The following GPHN variants were observed in gnomAD, a reference collection of about 807,000 sequenced individuals.
GPHN encodes gephyrin.
A neutral mutation model predicts 95.5 loss-of-function variants in GPHN; 17 were observed. The ratio of observed to expected loss-of-function variants is 0.18; its 90% CI spans 0.12 to 0.27. GPHN has a LOEUF of 0.27. Ranked by LOEUF, GPHN falls within the 10% of genes least tolerant of loss-of-function variation. The probability of loss-of-function intolerance (pLI) is 1.00; values close to 1 mark genes in which losing one functional copy is unlikely to be tolerated. For missense variants in GPHN, 660 were observed against 978.1 expected (o/e 0.67, Z 4.34); for synonymous variants, 320 against 322.5 (o/e 0.99, Z 0.08).
intron 2 of GPHN, among the ~76,000 whole-genome samples, chr14:66,683,708 T>C (rs1019029261): frequency 1.3e-5 from 2 of 151,260 alleles, no homozygotes; most frequent in African/African-American, 4.9e-5. Flanking sequence ...CCAGGCACAG[T>C]TTCTCACGCC....
At chr14:66,557,313 AAG>A (rs1041384782) in intron 1 of GPHN, among the ~76,000 whole-genome samples, 4 of 152,242 alleles carry the variant, frequency 2.6e-5, no homozygotes, top group African/African-American at 4.8e-5. Flanking sequence ...TAAGATATAA[AAG>A]AGTATTTTCC....
At chr14:67,562,399 A>G in the GPHN span, 3 of 1,613,738 alleles carry the variant, frequency 1.9e-6, no homozygotes, top group Non-Finnish European at 8.5e-7. Flanking sequence ...AGCCCCTTCA[A>G]CCTCATCTGG....
At chr14:66,947,330 G>A (rs1487192692) in intron 8 of GPHN, among the ~76,000 whole-genome samples, 1 of 152,112 alleles carries the variant, frequency 6.6e-6, no homozygotes, top group Non-Finnish European at 1.5e-5. Flanking sequence ...CCTAAATTAT[G>A]CCTGCAGTTA....
the GPHN span, chr14:67,337,706 C>G: frequency 6.6e-6 from 1 of 152,164 alleles, no homozygotes; most frequent in Non-Finnish European, 1.5e-5. Context: ...TCAAACAGTA[C>G]TAAAAACCTC....
At chr14:66,808,293 A>G (rs890805409) in intron 3 of GPHN, among the ~76,000 whole-genome samples, 2 of 152,210 alleles carry the variant, frequency 1.3e-5, no homozygotes, top group African/African-American at 4.8e-5. Context: ...ATCCTTTGAT[A>G]CATGTATCAT....
chr14:67,667,710 C>T, the GPHN span, among the ~76,000 whole-genome samples: 47 of 152,144 alleles, frequency 3.1e-4, 1 homozygote, highest in African/African-American at 1.1e-3. Flanking sequence ...TTTGGGAGGC[C>T]GAGGCGGGCG....
the GPHN span, chr14:67,570,090 G>A: frequency 9.8e-7 from 1 of 1,016,302 alleles, no homozygotes; most frequent in African/African-American, 1.6e-5. Context: ...CTGGGGCGGG[G>A]CTCTAGGGCC....
intron 1 of GPHN, among the ~76,000 whole-genome samples, chr14:66,632,817 G>A (rs1216670667): frequency 6.6e-6 from 1 of 152,024 alleles, no homozygotes; most frequent in Non-Finnish European, 1.5e-5. Flanking sequence ...GCGTATTCCA[G>A]TCAGATGACT....
intron 2 of GPHN, among the ~76,000 whole-genome samples, chr14:66,719,534 G>T (rs1257606611): frequency 6.6e-6 from 1 of 152,102 alleles, no homozygotes; most frequent in Non-Finnish European, 1.5e-5. Flanking sequence ...CAGAGGGTCT[G>T]TGGGTCCTCT....
chr14:67,174,889 G>C (rs2082833961), intron 21 of GPHN, among the ~76,000 whole-genome samples: 1 of 152,198 alleles, frequency 6.6e-6, no homozygotes, highest in Admixed American at 6.5e-5. Flanking sequence ...CTTTTGAGAA[G>C]TGTCTGTTCA....
chr14:66,865,866 T>C (rs2063204194), intron 4 of GPHN, among the ~76,000 whole-genome samples: 1 of 152,208 alleles, frequency 6.6e-6, no homozygotes, highest in South Asian at 2.1e-4. Flanking sequence ...TAAGTTTGGC[T>C]TGGCTCTTTT....
chr14:67,717,296 T>C, the GPHN span, among the ~76,000 whole-genome samples: 1 of 152,220 alleles, frequency 6.6e-6, no homozygotes, highest in Non-Finnish European at 1.5e-5. Context: ...TGGAGGTGTG[T>C]TTTTGAAGTA....
intron 8 of GPHN, among the ~76,000 whole-genome samples, chr14:66,948,358 A>G (rs1313090588): frequency 1.3e-5 from 2 of 152,200 alleles, no homozygotes; most frequent in Non-Finnish European, 2.9e-5. Context: ...CTTGATAGTC[A>G]TACTTCATAT....
At chr14:67,519,849 T>C in the GPHN span, among the ~76,000 whole-genome samples, 2 of 151,906 alleles carry the variant, frequency 1.3e-5, no homozygotes, top group Admixed American at 1.3e-4. Flanking sequence ...CAGCCTCCCA[T>C]GTAGCTGGGA....
chr14:67,242,113 C>G, the GPHN span: 1 of 152,158 alleles, frequency 6.6e-6, no homozygotes, highest in African/African-American at 2.4e-5. Context: ...AACTTTGAAG[C>G]ATGTAAATTG....
chr14:67,557,474 C>T, the GPHN span: 25 of 1,535,594 alleles, frequency 1.6e-5, no homozygotes, highest in South Asian at 2.8e-4. Flanking sequence ...GTACTGCTGG[C>T]CCCCAGCTTC....
chr14:67,199,443 A>G, the GPHN span: 1 of 1,612,930 alleles, frequency 6.2e-7, no homozygotes, highest in Non-Finnish European at 8.5e-7. Context: ...GTCATCTTAC[A>G]AACCCCCAAG....
the GPHN span, among the ~76,000 whole-genome samples, chr14:67,696,337 G>A: frequency 1.3e-5 from 2 of 152,142 alleles, no homozygotes; most frequent in African/African-American, 4.8e-5. Context: ...TTGGCGTCTG[G>A]GAAATGAAAG....
chr14:66,589,644 A>G (rs938641318), intron 1 of GPHN, among the ~76,000 whole-genome samples: 16 of 152,202 alleles, frequency 1.1e-4, no homozygotes, highest in East Asian at 1.9e-4. Flanking sequence ...TCCTAAATAC[A>G]TATGCACCCA....
Sources: gnomAD v4.1 joint callset for allele counts (sites outside exome capture counted in the v4.1 genomes callset) on GRCh38, gnomAD v4.1.1 for gene constraint, MANE v1.5 for transcripts, NCBI Gene and HGNC (gene_info 2026-07-23, HGNC 2026-07-21) for gene names.